RASA3: variants seen among roughly 807,000 people sequenced by gnomAD.
RASA3 encodes RAS p21 protein activator 3, also known as ras GTPase-activating protein 3.
A neutral mutation model predicts 110.0 loss-of-function variants in RASA3; 73 were observed. The ratio of observed to expected loss-of-function variants is 0.66; its 90% CI spans 0.55 to 0.81. The LOEUF (loss-of-function observed/expected upper bound fraction) is 0.81, where lower values mean the gene tolerates loss of function less well. RASA3 is among the 30% of genes least tolerant of loss of function. The pLI is 0.00. For missense variants in RASA3, 976 were observed against 1,113.2 expected (o/e 0.88, Z 1.75); for synonymous variants, 500 against 451.4 (o/e 1.11, Z -1.37).
At chr13:114,098,630 A>G (rs1221361999) in intron 1 of RASA3, among the ~76,000 whole-genome samples, 1 of 151,766 alleles carries the variant, frequency 6.6e-6, no homozygotes, top group Non-Finnish European at 1.5e-5. Flanking sequence ...CATGGCCGGG[A>G]TGAGGGGAGG....
rs567955107 is a variant in RASA3, at chr13:114,016,348, C to T, written c.1207-77G>A. On this transcript the variant is annotated intron_variant, in intron 12 of 23. Transcript: ENST00000334062. The stretch of plus-strand genomic sequence containing the variant: ...CAGGGAGGGTGGAAGGGGTCTCAGG[C>T]CTGGCTGAGATGTAGACCCTGAGCC... 5.2e-5 allele frequency: 58 copies of T among 1,125,120 alleles called. No homozygotes were observed. The African/African-American group carries it at 7.8e-4, about 15-fold the overall frequency. 69.7% of individuals were successfully genotyped at this position (1,125,120 alleles called of 1,614,324 possible).
chr13:114,121,757 A>C (rs951604828), intron 1 of RASA3, among the ~76,000 whole-genome samples: 1 of 152,184 alleles, frequency 6.6e-6, no homozygotes, highest in Admixed American at 6.5e-5. Flanking sequence ...TGGCCGTGTG[A>C]GTTTATGGCC....
chr13:114,110,628 C>A (rs928230564), intron 1 of RASA3, among the ~76,000 whole-genome samples: 1 of 152,226 alleles, frequency 6.6e-6, no homozygotes, highest in Non-Finnish European at 1.5e-5. Context: ...CCCGTTTCCT[C>A]ATCAGCAACA....
chr13:114,030,688 G>C (rs1339389030), intron 4 of RASA3, among the ~76,000 whole-genome samples: 1 of 152,236 alleles, frequency 6.6e-6, no homozygotes, highest in African/African-American at 2.4e-5. Flanking sequence ...ACGGCTGTGG[G>C]TGTGTGTCCA....
chr13:114,124,180 A>G (rs1282461499), intron 1 of RASA3, among the ~76,000 whole-genome samples: 1 of 152,150 alleles, frequency 6.6e-6, no homozygotes, highest in African/African-American at 2.4e-5. Flanking sequence ...AAGGAACAAA[A>G]CTGAGACTTA....
intron 4 of RASA3, among the ~76,000 whole-genome samples, chr13:114,031,462 G>C (rs1263262449): frequency 2.0e-5 from 3 of 151,302 alleles, no homozygotes; most frequent in African/African-American, 7.3e-5. Context: ...TCTGTAGTGT[G>C]TGGCTGTGTG....
At position 114,029,870 on chromosome 13, in the gene RASA3, C is replaced by G. The variant is rs1425660692; in HGVS notation, c.390G>C (p.Glu130Asp). 1.3e-6 allele frequency: 2 copies of G among 1,564,946 alleles called. No homozygotes were observed. Among genetic ancestry groups the G allele is most frequent in the Non-Finnish European group, 1.7e-6 (2 of 1,156,386 alleles). Reference sequence around the variant, plus strand: ...CTGTGATGACCTCGCTCAGCCGCAGCTCCAGGTGCACTTTGCCCTGCAAGG... The same window carrying G: ...CTGTGATGACCTCGCTCAGCCGCAGGTCCAGGTGCACTTTGCCCTGCAAGG... ...DSEVQGKVHL[E>D]LRLSEVITDT... Residue 130 changes from glutamate (E) to aspartate (D), a missense_variant, in exon 5 of 24, where the codon GAG becomes GAC. This residue lies in a region of RASA3 where 732 missense variants were observed against 779.7 expected (regional missense o/e 0.94). Transcript: ENST00000334062.
In RASA3 at chr13:114,002,284, C is replaced by T. The variant is rs561509886; in HGVS notation, c.1743-1352G>A. ...CCAGATGTGGCCAGAGAGCTGTGGA[C>T]GCACACCGGAGGGTGTGGAAGCTGC... On this transcript the variant is annotated intron_variant, in intron 18 of 23. Transcript: ENST00000334062. Among the ~76,000 whole-genome samples, 9 of 152,302 alleles carry T rather than the reference C, an allele frequency of 5.9e-5. No homozygotes were observed. In the South Asian group the frequency reaches 1.0e-3, roughly 18 times the overall value.
At chr13:114,116,319 G>C (rs562654957) in intron 1 of RASA3, among the ~76,000 whole-genome samples, 1 of 152,132 alleles carries the variant, frequency 6.6e-6, no homozygotes, top group Non-Finnish European at 1.5e-5. Context: ...TAGAAATACC[G>C]TCCTCACTAT....
intron 1 of RASA3, chr13:114,107,792 G>A (rs1176655265): frequency 1.3e-5 from 2 of 152,218 alleles, no homozygotes; most frequent in African/African-American, 4.8e-5. Context: ...ATGAATCAGC[G>A]GGGCCATTCA....
intron 1 of RASA3, among the ~76,000 whole-genome samples, chr13:114,103,047 G>C (rs1000717920): frequency 5.9e-5 from 9 of 152,196 alleles, no homozygotes; most frequent in African/African-American, 2.2e-4. Flanking sequence ...CACGTGGGCA[G>C]CTCCGGTGCA....
At chr13:113,999,856 T>C (rs1449183330) in intron 19 of RASA3, among the ~76,000 whole-genome samples, 189 bp from the exon 20 acceptor site, 1 of 13,170 alleles carries the variant, frequency 7.6e-5, no homozygotes, top group Non-Finnish European at 1.4e-4. Flanking sequence ...GGGTCTCTGC[T>C]GGGGGGGTCT....
Position 114,058,229 on chromosome 13 carries a change from GC to G in RASA3, c.174-6075del, listed in dbSNP as rs2079277512. ...CCCCAAGACCCCCGAGATGCCATGA[GC>G]CCCATGGAGACCACCCACCCGGCAG... On this transcript the variant is annotated intron_variant, in intron 2 of 23. Coordinates refer to ENST00000334062, the MANE Select transcript of RASA3 (RefSeq NM_007368.4). Among the ~76,000 whole-genome samples the G allele has an allele frequency of 2.0e-5, 3 of 152,120 alleles. No homozygotes were observed. In the South Asian group the frequency reaches 6.2e-4, roughly 32 times the overall value.
chr13:113,990,509 G>A (rs757750871), intron 22 of RASA3, among the ~76,000 whole-genome samples: 6 of 152,214 alleles, frequency 3.9e-5, no homozygotes, highest in Non-Finnish European at 7.3e-5. Flanking sequence ...CCCTGACTCT[G>A]GCCTCTGCTG....
At chr13:113,982,122 G>A (rs1363934293) in intron 22 of RASA3, among the ~76,000 whole-genome samples, 1 of 152,322 alleles carries the variant, frequency 6.6e-6, no homozygotes, top group African/African-American at 2.4e-5. Context: ...GGGCTCTGCT[G>A]CCCCTAGCTC....
At chr13:114,070,705 G>A (rs113111753) in intron 2 of RASA3, among the ~76,000 whole-genome samples, 14 of 138,008 alleles carry the variant, frequency 1.0e-4, no homozygotes, top group Non-Finnish European at 1.9e-4. Flanking sequence ...GCTAAACGGC[G>A]CCACAGTCTT....
intron 2 of RASA3, among the ~76,000 whole-genome samples, chr13:114,055,372 C>T (rs140491482): frequency 0.013 from 1,934 of 152,360 alleles, 18 homozygotes; most frequent in Non-Finnish European, 0.022. Context: ...TGTAAAGTCA[C>T]AGCTGCAGGA....
chr13:114,055,956 C>T (rs2079238097), intron 2 of RASA3, among the ~76,000 whole-genome samples: 1 of 152,250 alleles, frequency 6.6e-6, no homozygotes, highest in Non-Finnish European at 1.5e-5. Context: ...CACCGATAGC[C>T]AAGCTGCCAG....
chr13:114,003,965 G>A (rs1026927608), intron 18 of RASA3, among the ~76,000 whole-genome samples: 1 of 152,124 alleles, frequency 6.6e-6, no homozygotes, highest in Non-Finnish European at 1.5e-5. Context: ...AGTAAAAATT[G>A]CCTCGCTGAA....
Sources: gnomAD v4.1 joint callset for allele counts (sites outside exome capture counted in the v4.1 genomes callset) on GRCh38, gnomAD v4.1.1 for gene constraint, gnomAD v4.1.1 regional missense constraint, MANE v1.5 for transcripts, NCBI Gene and HGNC (gene_info 2026-07-23, HGNC 2026-07-21) for gene names.